Variants in PHF8 observed in about 807,000 individuals in gnomAD.
PHF8 encodes the protein histone lysine demethylase PHF8.
Under a neutral mutation model 74.4 loss-of-function variants are expected in PHF8, and 9 were observed. The observed-to-expected ratio is 0.12, with a 90% CI of 0.07 to 0.21. PHF8 has a LOEUF of 0.21. Among genes scored for constraint, PHF8 ranks in the 10% least tolerant of loss-of-function variants. The pLI is 1.00. For synonymous variants in PHF8, 311 were observed against 316.6 expected (o/e 0.98, Z 0.19); for missense variants, 478 against 816.6 (o/e 0.59, Z 5.05).
intron 2 of PHF8, among the ~76,000 whole-genome samples, chrX:54,030,210 C>G (rs962979215): frequency 1.8e-5 from 2 of 111,699 alleles, no homozygotes; most frequent in East Asian, 5.6e-4. Flanking sequence ...CCTTTCCCAT[C>G]TCTCAGTCTT....
intron 12 of PHF8, 45 bp from the exon 13 acceptor site, chrX:53,993,948 G>A (rs1557102171): frequency 3.0e-6 from 3 of 993,547 alleles, no homozygotes; most frequent in African/African-American, 3.8e-5. Context: ...TTACTCAAGG[G>A]TTCTCTCAAC....
intron 8 of PHF8, among the ~76,000 whole-genome samples, chrX:54,009,207 T>C (rs1557106091): frequency 9.0e-6 from 1 of 111,694 alleles, no homozygotes; most frequent in Non-Finnish European, 1.9e-5. Context: ...TAATGAACAT[T>C]CTCTGGTATT....
At chrX:53,939,915 G>A (rs1449244100) in intron 21 of PHF8, among the ~76,000 whole-genome samples, 2 of 110,762 alleles carry the variant, frequency 1.8e-5, no homozygotes, top group African/African-American at 3.3e-5. Context: ...GCCTGAACTT[G>A]TATATGTGCC....
intron 2 of PHF8, among the ~76,000 whole-genome samples, chrX:54,024,861 T>C (rs2066240199): frequency 9.0e-6 from 1 of 111,721 alleles, no homozygotes; most frequent in Non-Finnish European, 1.9e-5. Flanking sequence ...GTTCATACCA[T>C]TTTTTTAAAT....
chrX:53,989,636 T>C (rs1171967517), intron 14 of PHF8, among the ~76,000 whole-genome samples: 2 of 112,378 alleles, frequency 1.8e-5, no homozygotes, highest in Non-Finnish European at 1.9e-5. Flanking sequence ...GTAGACGATA[T>C]TAACCAATAC....
intron 2 of PHF8, among the ~76,000 whole-genome samples, chrX:54,036,249 C>T (rs1205233167): frequency 1.8e-5 from 2 of 110,587 alleles, no homozygotes; most frequent in African/African-American, 6.6e-5. Context: ...TTCGAGTGAT[C>T]ATGAAACATT....
upstream of PHF8, chrX:54,045,004 C>T (rs1557117148): frequency 4.4e-6 from 3 of 685,284 alleles, no homozygotes; most frequent in Admixed American, 5.7e-5. Context: ...TTCGAGAAGC[C>T]AAGTGACTTG....
intron 2 of PHF8, among the ~76,000 whole-genome samples, chrX:54,036,812 A>C (rs1256917507): frequency 9.3e-6 from 1 of 107,499 alleles, no homozygotes; most frequent in Non-Finnish European, 1.9e-5. Context: ...TAGCCTGGCC[A>C]ACATGGTGAA....
At chrX:53,948,911 G>C (rs1281205908) in intron 19 of PHF8, among the ~76,000 whole-genome samples, 1 of 108,304 alleles carries the variant, frequency 9.2e-6, no homozygotes, top group Non-Finnish European at 1.9e-5. Flanking sequence ...TGTAATCCCA[G>C]CTACTCAGGA....
At chrX:54,003,705 T>C (rs781816052) in intron 8 of PHF8, among the ~76,000 whole-genome samples, 10 of 112,035 alleles carry the variant, frequency 8.9e-5, no homozygotes, top group African/African-American at 3.2e-4. Flanking sequence ...AAATATTTCA[T>C]TAGAAACTAA....
chrX:54,028,147 T>C (rs1359420858), intron 2 of PHF8, among the ~76,000 whole-genome samples: 1 of 111,196 alleles, frequency 9.0e-6, no homozygotes, highest in Non-Finnish European at 1.9e-5. Flanking sequence ...CATGTGGCTA[T>C]GAAGGAAGAG....
intron 4 of PHF8, 57 bp downstream of exon 4, chrX:54,022,202 A>AG (rs2066189482): frequency 1.5e-6 from 1 of 672,525 alleles, no homozygotes; most frequent in Admixed American, 2.2e-5. Context: ...GGAAGAGGTG[A>AG]GTTCCAGCTT....
chrX:53,954,416 C>T (rs1292917229), intron 19 of PHF8, among the ~76,000 whole-genome samples: 2 of 97,214 alleles, frequency 2.1e-5, no homozygotes, highest in East Asian at 3.3e-4. Context: ...AGGAGAATGA[C>T]GTGAACCCAG....
At chrX:53,965,303 G>C (rs1373028597) in intron 18 of PHF8, among the ~76,000 whole-genome samples, 1 of 112,055 alleles carries the variant, frequency 8.9e-6, no homozygotes, top group African/African-American at 3.2e-5. Context: ...AAAACTGTCA[G>C]AACAACTTTT....
Position 53,940,191 on chromosome X carries a change from T to C in PHF8, c.2975A>G (p.Gln992Arg). 1 of 1,178,501 alleles carries C rather than the reference T, an allele frequency of 8.5e-7. No individual in the cohort carries two copies. Among genetic ancestry groups the C allele is most frequent in the Admixed American group, 2.4e-5 (1 of 41,040 alleles). The change falls in exon 21 of 22, where the codon CAG becomes CGG. Residue 992 changes from glutamine to arginine, a missense_variant. Gln to Arg is a conservative substitution (Grantham distance 43). Around this residue, in one of 9 missense-constraint regions of PHF8, gnomAD observed 75 missense variants for 93.3 expected, o/e 0.80. Coordinates refer to ENST00000338154, the MANE Select transcript of PHF8 (RefSeq NM_015107.3). ...TATGGCCGTTGTACCTTGTCCTGCCTGATTGCTCTGGGAGCCAACTGAAGG... is the reference window on the plus strand; with the variant it reads ...TATGGCCGTTGTACCTTGTCCTGCCCGATTGCTCTGGGAGCCAACTGAAGG... ...RRPSVGSQSN[Q>R]AGQGKRPKKG...
At chrX:54,018,344 G>A (rs1180062552) in intron 4 of PHF8, among the ~76,000 whole-genome samples, 2 of 110,431 alleles carry the variant, frequency 1.8e-5, no homozygotes, top group African/African-American at 3.3e-5. Context: ...ACAGTCCTAC[G>A]TACTTGGGAG....
At chrX:54,034,697 G>A (rs1010227302) in intron 2 of PHF8, among the ~76,000 whole-genome samples, 3 of 110,128 alleles carry the variant, frequency 2.7e-5, no homozygotes, top group Non-Finnish European at 3.8e-5. Flanking sequence ...GGTGGCGGGC[G>A]CCTGTAATTC....
intron 2 of PHF8, among the ~76,000 whole-genome samples, chrX:54,030,002 T>A (rs2066328321): frequency 9.0e-6 from 1 of 110,662 alleles, no homozygotes; most frequent in Admixed American, 9.7e-5. Context: ...TCTGTCTAGC[T>A]CTAGCCTCTG....
rs1603348030 is a variant in PHF8 at position 54,042,832 on chromosome X, T to C, written c.-92-12A>G. 9.0e-7 allele frequency: 1 copy of C among 1,113,254 alleles called. No individual in the cohort carries two copies. The highest frequency in any genetic ancestry group is 3.3e-5 in the East Asian group (1 of 30,394). The allele number at this position is 1,113,254 out of a possible 1,213,427, so 91.7% of individuals were successfully genotyped here. A position where few individuals can be genotyped will look rare whatever the true frequency, so the allele number is the denominator to read the frequency against. Reference sequence around the variant, plus strand: ...TCTCTGGACGATAGCTAGGCACAAATAACACTTTTTACAGAGTGAATCAGC... The same window carrying C: ...TCTCTGGACGATAGCTAGGCACAAACAACACTTTTTACAGAGTGAATCAGC... On this transcript the variant is annotated splice_polypyrimidine_tract_variant and intron_variant, in intron 1 of 21. Transcript: ENST00000338154.
Sources: gnomAD v4.1 joint callset for allele counts (sites outside exome capture counted in the v4.1 genomes callset) on GRCh38, gnomAD v4.1.1 for gene constraint, gnomAD v4.1.1 regional missense constraint, MANE v1.5 for transcripts, NCBI Gene and HGNC (gene_info 2026-07-23, HGNC 2026-07-21) for gene names.